Variants in DDX28 observed in about 807,000 individuals in gnomAD.
DDX28 encodes probable ATP-dependent RNA helicase DDX28.
DDX28 carries 25 observed loss-of-function variants against 26.8 expected under a neutral mutation model. The observed-to-expected ratio is 0.93, with a 90% CI of 0.68 to 1.30. DDX28 has a LOEUF of 1.30. Ranked by LOEUF, DDX28 falls within the 50% of genes most tolerant of loss-of-function variation. The pLI, the probability that DDX28 is intolerant of heterozygous loss-of-function variation, is 0.00. For missense variants in DDX28, 790 were observed against 695.1 expected (o/e 1.14, Z -1.53); for synonymous variants, 370 against 311.9 (o/e 1.19, Z -1.96).
rs1270486356 is a variant in DDX28 at position 68,021,852 on chromosome 16, G to A, written c.1351C>T (p.Leu451Phe). The A allele has an allele frequency of 1.2e-6, 2 of 1,614,124 alleles. No individual in the cohort carries two copies. Among genetic ancestry groups the A allele is most frequent in the African/African-American group, 2.7e-5 (2 of 74,940 alleles). Residue 451 changes from leucine to phenylalanine, a missense_variant, in exon 1 of 1, where the codon CTT becomes TTT. Physicochemically the swap from Leu to Phe is conservative, Grantham distance 22 (BLOSUM62 0). Transcript: ENST00000332395. ...QSFQKSSRDI[L>F]LCTDIASRGL... ...CGAGAGGCTATGTCTGTGCAGAGAA[G>A]TATGTCTCGGGAGCTCTTCTGGAAG... is the stretch of plus-strand genomic sequence containing the variant.
Position 68,020,923 on chromosome 16 carries a change from A to G in DDX28, c.*657T>C, listed in dbSNP as rs1424924761. Among the ~76,000 whole-genome samples the G allele has an allele frequency of 1.4e-5, 2 of 145,262 alleles. No homozygotes were observed. The highest frequency in any genetic ancestry group is 5.1e-5 in the African/African-American group (2 of 39,090). On this transcript the variant is annotated 3_prime_UTR_variant, in exon 1 of 1. Transcript: ENST00000332395. The stretch of plus-strand genomic sequence containing the variant: ...GAAAATGCTATATGGTTATTTTTCC[A>G]GTTTTGTAAAACCGTTTAATCATCT...
In DDX28 at chr16:68,022,632, A is replaced by G; in HGVS notation, c.571T>C (p.Leu191=). 1 of 1,613,162 alleles carries G rather than the reference A, an allele frequency of 6.2e-7. No homozygotes were observed. Among genetic ancestry groups the G allele is most frequent in the East Asian group, 2.2e-5 (1 of 44,852 alleles). ...AGGGAGTCCAGGCTTGGCTGGCCCAAGAGCCGTTGAAGCAGCGGCAGGAGG... is the reference window on the plus strand; with the variant it reads ...AGGGAGTCCAGGCTTGGCTGGCCCAGGAGCCGTTGAAGCAGCGGCAGGAGG... ...SYLLPLLQRL[L]GQPSLDSLPI... Residue 191 remains leucine (L), a synonymous_variant, in exon 1 of 1, where the codon TTG becomes CTG. Coordinates refer to ENST00000332395, the MANE Select transcript of DDX28 (RefSeq NM_018380.4).
chr16:68,022,898 G>A lies in DDX28; in HGVS notation c.305C>T (p.Ala102Val). ...LASQGWKSRR[A>V]RRDHFSIERA... is the part of the protein sequence containing the mutation. ...CTCGATGGAGAAGTGGTCCCGACGC[G>A]CGCGTCGACTCTTCCAGCCTTGAGA... Residue 102 changes from alanine (A) to valine (V), a missense_variant, in exon 1 of 1, where the codon GCG becomes GTG. By Grantham distance (64) the Ala-to-Val change is moderately conservative. Transcript: ENST00000332395. 6.4e-7 allele frequency: 1 copy of A among 1,561,064 alleles called. No homozygotes were observed. The highest frequency in any genetic ancestry group is 8.7e-7 in the Non-Finnish European group (1 of 1,154,898).
Position 68,022,968 on chromosome 16 carries a change from GC to G in DDX28, c.234del (p.Gln78HisfsTer15). Reference protein sequence around the residue: ...LVSARRPELNQPARLTLGRWE... With the variant: ...LVSARRPELNXPARLTLGRWE... ...CAACGGCCCAGTGTGAGGCGCGCCG[GC>G]TGGTTCAACTCCGGCCGCCGCGCCG... On this transcript the variant is annotated frameshift_variant, in exon 1 of 1. Coordinates refer to ENST00000332395, the MANE Select transcript of DDX28 (RefSeq NM_018380.4). LOFTEE classifies it high-confidence loss of function. 1 of 1,550,068 alleles carries G rather than the reference GC, an allele frequency of 6.5e-7. No individual in the cohort carries two copies. Among genetic ancestry groups the G allele is most frequent in the South Asian group, 1.2e-5 (1 of 86,524 alleles).
In DDX28 at chr16:68,022,251, C is replaced by T; in HGVS notation, c.952G>A (p.Asp318Asn). 1.9e-6 allele frequency: 3 copies of T among 1,614,186 alleles called. No homozygotes were observed. The highest frequency in any genetic ancestry group is 2.5e-6 in the Non-Finnish European group (3 of 1,180,038). The change falls in exon 1 of 1, where the codon GAC becomes AAC. Residue 318 changes from aspartate to asparagine, a missense_variant. Physicochemically the swap from Asp to Asn is conservative, Grantham distance 23. Transcript: ENST00000332395. ...AACTGAGCTTTGGGATTGAAGGGGT[C>T]TTCCAAGTCAGCTGGGCCTTCTGCT... ...HIAEGPADLE[D>N]PFNPKAQLVL...
Position 68,022,015 on chromosome 16 carries a change from G to A in DDX28, c.1188C>T (p.Pro396=). ...TACAGAACACCAGAACAGTTCCTGA[G>A]GGACCAGTCCTTTCTGCTCTGTCAC... ...KHRDRAERTG[P]SGTVLVFCNS... is the part of the protein sequence containing the mutation. The change falls in exon 1 of 1, where the codon CCC becomes CCT. Residue 396 remains proline (P), a synonymous_variant. Transcript: ENST00000332395. 1 of 1,614,192 alleles carries A rather than the reference G, an allele frequency of 6.2e-7. No homozygotes were observed. The highest frequency in any genetic ancestry group is 8.5e-7 in the Non-Finnish European group (1 of 1,180,040).
chr16:68,022,636 C>T lies in DDX28; in HGVS notation c.567G>A (p.Arg189=). Reference sequence around the variant, plus strand: ...AGTCCAGGCTTGGCTGGCCCAAGAGCCGTTGAAGCAGCGGCAGGAGGTAGC... The same window carrying T: ...AGTCCAGGCTTGGCTGGCCCAAGAGTCGTTGAAGCAGCGGCAGGAGGTAGC... ...TLSYLLPLLQ[R]LLGQPSLDSL... The change falls in exon 1 of 1, where the codon CGG becomes CGA. Residue 189 remains arginine, a synonymous_variant. Transcript: ENST00000332395. The T allele has an allele frequency of 6.2e-7, 1 of 1,612,966 alleles. No homozygotes were observed. The highest frequency in any genetic ancestry group is 8.5e-7 in the Non-Finnish European group (1 of 1,179,750).
Position 68,023,185 on chromosome 16 carries a change from C to T in DDX28, c.18G>A (p.Pro6=), listed in dbSNP as rs770507825. The change falls in exon 1 of 1, where the codon CCG becomes CCA. Residue 6 remains proline (P), a synonymous_variant. Transcript: ENST00000332395. ...GAGTCACGAGGGAAAAGAGCCGCACCGGCCGCGTTAGAGCCATGTTTCCCT... is the reference window on the plus strand; with the variant it reads ...GAGTCACGAGGGAAAAGAGCCGCACTGGCCGCGTTAGAGCCATGTTTCCCT... The part of the protein sequence containing the change: MALTR[P]VRLFSLVTRL... 3 of 1,609,680 alleles carry T rather than the reference C, an allele frequency of 1.9e-6. No individual in the cohort carries two copies. The highest frequency in any genetic ancestry group is 2.2e-5 in the East Asian group (1 of 44,838).
chr16:68,021,064 C>G lies in DDX28; in HGVS notation c.*516G>C, dbSNP rs2033228901. On this transcript the variant is annotated 3_prime_UTR_variant, in exon 1 of 1. Coordinates refer to ENST00000332395, the MANE Select transcript of DDX28 (RefSeq NM_018380.4). ...TGCCAGTACCTTCCAGAGATTTCGC[C>G]AAGACGCCCGTTTGTCTTGGGCATT... is the stretch of plus-strand genomic sequence containing the variant. Among the ~76,000 whole-genome samples, 1 of 151,626 alleles carries G rather than the reference C, an allele frequency of 6.6e-6. No individual in the cohort carries two copies. Among genetic ancestry groups the G allele is most frequent in the Non-Finnish European group, 1.5e-5 (1 of 67,974 alleles).
In DDX28 at chr16:68,021,994, G is replaced by A. The variant is rs750911225; in HGVS notation, c.1209C>T (p.Phe403=). The change falls in exon 1 of 1, where the codon TTC becomes TTT. Residue 403 remains phenylalanine (F), a synonymous_variant. Transcript: ENST00000332395. ...AGTTCACAGTGCTGGAGCTATTACA[G>A]AACACCAGAACAGTTCCTGAGGGAC... ...RTGPSGTVLV[F]CNSSSTVNWL... is the part of the protein sequence containing the mutation. The A allele has an allele frequency of 1.3e-5, 21 of 1,614,078 alleles. No homozygotes were observed. The Admixed American group carries it at 1.7e-4, about 13-fold the overall frequency.
Position 68,022,451 on chromosome 16 carries a change from G to A in DDX28, c.752C>T (p.Ser251Phe), listed in dbSNP as rs1022072445. The change falls in exon 1 of 1, where the codon TCC becomes TTC. Residue 251 changes from serine to phenylalanine, a missense_variant. Physicochemically the swap from Ser to Phe is radical, Grantham distance 155. Transcript: ENST00000332395. The stretch of plus-strand genomic sequence containing the variant: ...AAGCACATCTGCTGAAGGCTGTCTG[G>A]ACAGCTGCAGCCTGATCCTACGCAT... The part of the protein sequence containing the change: ...HGMRRIRLQL[S>F]RQPSADVLVA... 1 of 1,613,896 alleles carries A rather than the reference G, an allele frequency of 6.2e-7. No individual in the cohort carries two copies. The highest frequency in any genetic ancestry group is 1.7e-5 in the Admixed American group (1 of 60,028).
Position 68,022,110 on chromosome 16 carries a change from C to T in DDX28, c.1093G>A (p.Val365Met). The T allele has an allele frequency of 6.2e-7, 1 of 1,614,210 alleles. No homozygotes were observed. Among genetic ancestry groups the T allele is most frequent in the South Asian group, 1.1e-5 (1 of 91,084 alleles). ...TTCAGTCTCAGAAATGTCTGTTTCA[C>T]ATGAGGCATGATACAGTGGAGCTTG... is the stretch of plus-strand genomic sequence containing the variant. The part of the protein sequence containing the change: ...SSKLHCIMPH[V>M]KQTFLRLKGA... Residue 365 changes from valine to methionine, a missense_variant, in exon 1 of 1, where the codon GTG (valine) becomes ATG (methionine). Coordinates refer to ENST00000332395, the MANE Select transcript of DDX28 (RefSeq NM_018380.4).
chr16:68,022,752 G>C lies in DDX28; in HGVS notation c.451C>G (p.Pro151Ala), dbSNP rs769840428. 5 of 1,612,298 alleles carry C rather than the reference G, an allele frequency of 3.1e-6. No individual in the cohort carries two copies. In the Admixed American group the frequency reaches 5.0e-5, roughly 16 times the overall value. The change falls in exon 1 of 1, where the codon CCC becomes GCC. Residue 151 changes from proline to alanine, a missense_variant. By Grantham distance (27) the Pro-to-Ala change is conservative (BLOSUM62 -1). Transcript: ENST00000332395. ...ATGGTGCTAGACTGCACGGTTGTGG[G>C]CTGAACGACTTCAGGCGCAGCCTCC... ...LQEAAPEVVQ[P>A]TTVQSSTIPS...
At position 68,022,306 on chromosome 16, in the gene DDX28, C is replaced by A. The variant is rs767758502; in HGVS notation, c.897G>T (p.Leu299=). Residue 299 remains leucine (L), a synonymous_variant, in exon 1 of 1, where the codon CTG becomes CTT. Transcript: ENST00000332395. ...DTLLDESFLE[L]VDYILEKSHI... ...GGCTCTTCTCTAAGATGTAGTCCAC[C>A]AGTTCCAGGAAGCTTTCATCCAGCA... 1 of 1,614,226 alleles carries A rather than the reference C, an allele frequency of 6.2e-7. No homozygotes were observed.
Position 68,023,226 on chromosome 16 carries a change from G to T in DDX28, c.-24C>A. On this transcript the variant is annotated 5_prime_UTR_variant, in exon 1 of 1. It introduces an in-frame stop codon into an upstream open reading frame of the 5' UTR. Coordinates refer to ENST00000332395, the MANE Select transcript of DDX28 (RefSeq NM_018380.4). ...ATGTTTCCCTTAGTGCGGGAGAAGC[G>T]CACATCAGTGACGTCACGGACGCGC... The T allele has an allele frequency of 6.3e-7, 1 of 1,592,018 alleles. No homozygotes were observed.
rs2033269696 is a variant in DDX28 at position 68,022,798 on chromosome 16, G to A, written c.405C>T (p.Pro135=). ...CCTCCTGTAGTGCGTGCAGCACACG[G>A]GGCTCCAGGCCCAGGTCAGCAAAGC... ...KGSFADLGLE[P]RVLHALQEAA... is the part of the protein sequence containing the mutation. Residue 135 remains proline, a synonymous_variant, in exon 1 of 1, where the codon CCC becomes CCT. Transcript: ENST00000332395. 1 of 1,591,550 alleles carries A rather than the reference G, an allele frequency of 6.3e-7. No individual in the cohort carries two copies.
At position 68,021,716 on chromosome 16, in the gene DDX28, G is replaced by C. The variant is rs2033243017; in HGVS notation, c.1487C>G (p.Pro496Arg). Residue 496 changes from proline to arginine, a missense_variant, in exon 1 of 1, where the codon CCA (proline) becomes CGA (arginine). Coordinates refer to ENST00000332395, the MANE Select transcript of DDX28 (RefSeq NM_018380.4). ...GRVGRVGSEV[P>R]GTVISFVTHP... ...GGTCACAAAACTGATGACGGTGCCT[G>C]GCACCTCGCTCCCCACACGGCCCAC... 1 of 1,614,178 alleles carries C rather than the reference G, an allele frequency of 6.2e-7. No individual in the cohort carries two copies. The highest frequency in any genetic ancestry group is 8.5e-7 in the Non-Finnish European group (1 of 1,180,034).
chr16:68,022,459 C>T lies in DDX28; in HGVS notation c.744G>A (p.Leu248=), dbSNP rs1289383551. 1.2e-6 allele frequency: 2 copies of T among 1,613,940 alleles called. No individual in the cohort carries two copies. Among genetic ancestry groups the T allele is most frequent in the Non-Finnish European group, 1.7e-6 (2 of 1,180,030 alleles). The change falls in exon 1 of 1, where the codon CTG becomes CTA. Residue 248 remains leucine (L), a synonymous_variant. Transcript: ENST00000332395. ...CTGCTGAAGGCTGTCTGGACAGCTG[C>T]AGCCTGATCCTACGCATGCCGTGGC... is the stretch of plus-strand genomic sequence containing the variant. ...EGGHGMRRIR[L]QLSRQPSADV...
chr16:68,021,848 A>G lies in DDX28; in HGVS notation c.1355T>C (p.Leu452Pro), dbSNP rs1379540413. The change falls in exon 1 of 1, where the codon CTC (leucine) becomes CCC (proline). Residue 452 changes from leucine to proline, a missense_variant. By Grantham distance (98) the Leu-to-Pro change is moderately conservative. Coordinates refer to ENST00000332395, the MANE Select transcript of DDX28 (RefSeq NM_018380.4). ...SFQKSSRDIL[L>P]CTDIASRGLD... ...GCCCCGAGAGGCTATGTCTGTGCAG[A>G]GAAGTATGTCTCGGGAGCTCTTCTG... is the stretch of plus-strand genomic sequence containing the variant. The G allele has an allele frequency of 6.2e-7, 1 of 1,614,088 alleles. No homozygotes were observed. The highest frequency in any genetic ancestry group is 1.3e-5 in the African/African-American group (1 of 74,928).
Sources: gnomAD v4.1 joint callset for allele counts (sites outside exome capture counted in the v4.1 genomes callset) on GRCh38, gnomAD v4.1.1 for gene constraint, MANE v1.5 for transcripts, NCBI Gene and HGNC (gene_info 2026-07-23, HGNC 2026-07-21) for gene names.